CSMD1: variants seen among roughly 807,000 people sequenced by gnomAD.
The protein encoded by CSMD1 is CUB and sushi domain-containing protein 1.
In CSMD1, 213 loss-of-function variants were observed where a neutral mutation model predicts 417.5. The observed-to-expected ratio is 0.51, with a 90% CI of 0.46 to 0.57. The LOEUF (loss-of-function observed/expected upper bound fraction) is 0.57. Among genes scored for constraint, CSMD1 ranks in the 20% least tolerant of loss-of-function variants. The pLI, the probability that CSMD1 is intolerant of heterozygous loss-of-function variation, is 0.00. For missense variants in CSMD1, 6,923 were observed against 4,529.7 expected (o/e 1.53, Z -15.17); for synonymous variants, 2,862 against 1,736.8 (o/e 1.65, Z -16.11).
intron 2 of CSMD1, among the ~76,000 whole-genome samples, chr8:4,471,991 C>G (rs1313416798): frequency 6.6e-6 from 1 of 152,124 alleles, no homozygotes; most frequent in Non-Finnish European, 1.5e-5. Context: ...ATTATCTGCT[C>G]TAACCCTAAG....
At chr8:3,089,570 G>C (rs545438799) in intron 48 of CSMD1, among the ~76,000 whole-genome samples, 1 of 152,180 alleles carries the variant, frequency 6.6e-6, no homozygotes, top group Non-Finnish European at 1.5e-5. Context: ...AATATCATGG[G>C]CTAGAGTTCC....
intron 25 of CSMD1, among the ~76,000 whole-genome samples, chr8:3,291,800 T>C (rs1183262627): frequency 2.6e-5 from 4 of 152,100 alleles, no homozygotes; most frequent in African/African-American, 7.2e-5. Flanking sequence ...TTGACTTTTT[T>C]AAGGGTTTTT....
chr8:4,811,846 G>C (rs1798926052), intron 1 of CSMD1, among the ~76,000 whole-genome samples: 1 of 152,038 alleles, frequency 6.6e-6, no homozygotes, highest in African/African-American at 2.4e-5. Flanking sequence ...TCTTCTATGA[G>C]ACAGTGAAAT....
chr8:3,353,076 T>C (rs945057296), intron 21 of CSMD1, among the ~76,000 whole-genome samples: 6 of 152,194 alleles, frequency 3.9e-5, no homozygotes, highest in Non-Finnish European at 7.3e-5. Flanking sequence ...GCAATAATTA[T>C]ACTACATTTG....
rs900381092 is a variant in CSMD1, at chr8:4,529,844, G to T, written c.302+107498C>A. 3.4e-5 allele frequency among the ~76,000 whole-genome samples: 5 copies of T among 148,986 alleles called. No homozygotes were observed. In the Admixed American group the frequency reaches 3.4e-4, roughly 10 times the overall value. ...AATCAAAATTCGTGCATAGGTTACC[G>T]TCAGGTTGCTGCCCATGCTGCTGCC... On this transcript the variant is annotated intron_variant, in intron 2 of 69. Transcript: ENST00000635120.
At chr8:3,596,931 G>A (rs545834926) in intron 8 of CSMD1, among the ~76,000 whole-genome samples, 1 of 152,172 alleles carries the variant, frequency 6.6e-6, no homozygotes. Context: ...CAGTTTCCAA[G>A]TGCCCCTCTT....
intron 5 of CSMD1, among the ~76,000 whole-genome samples, chr8:3,832,434 T>A (rs1802430190): frequency 1.3e-5 from 2 of 152,344 alleles, no homozygotes; most frequent in Admixed American, 1.3e-4. Flanking sequence ...ATTGCCTTAA[T>A]TATAAAGCGA....
intron 7 of CSMD1, among the ~76,000 whole-genome samples, chr8:3,688,374 G>C (rs1001861605): frequency 2.1e-4 from 32 of 152,260 alleles, no homozygotes; most frequent in African/African-American, 6.7e-4. Flanking sequence ...ATTTATAAAG[G>C]AGGAATTGAG....
At chr8:3,134,234 C>G (rs762707706) in intron 41 of CSMD1, among the ~76,000 whole-genome samples, 8 of 152,090 alleles carry the variant, frequency 5.3e-5, no homozygotes, top group Admixed American at 6.6e-5. Context: ...AAGAGCTCTG[C>G]CAGTGTTTGC....
chr8:4,419,817 T>C (rs1797145321), intron 3 of CSMD1, 136 bp downstream of exon 3: 2 of 578,164 alleles, frequency 3.5e-6, no homozygotes, highest in Admixed American at 5.0e-5. Context: ...TGCCATTGCA[T>C]TACACAGAAG....
At position 3,155,893 on chromosome 8, in the gene CSMD1, G is replaced by A. The variant is rs189827437; in HGVS notation, c.5914+2004C>T. Among the ~76,000 whole-genome samples the A allele has an allele frequency of 3.9e-4, 59 of 152,242 alleles. No homozygotes were observed. In the East Asian group the frequency reaches 5.6e-3, roughly 14 times the overall value. ...TGAAGTTTTTTGTTTTACAGGTTTC[G>A]TGCAGTTTTATTTTCCTCTGTACAC... On this transcript the variant is annotated intron_variant, in intron 39 of 69. Coordinates refer to ENST00000635120, the MANE Select transcript of CSMD1 (RefSeq NM_033225.6).
intron 3 of CSMD1, among the ~76,000 whole-genome samples, chr8:4,372,950 G>A (rs190885059): frequency 7.9e-5 from 12 of 152,342 alleles, no homozygotes; most frequent in African/African-American, 2.4e-4. Context: ...TGCTTCCGAA[G>A]AGTGCAGTGT....
At chr8:4,417,321 A>T (rs753845164) in intron 3 of CSMD1, among the ~76,000 whole-genome samples, 2 of 152,012 alleles carry the variant, frequency 1.3e-5, no homozygotes, top group Non-Finnish European at 2.9e-5. Flanking sequence ...ATAATAGTTT[A>T]TGTAAATAAA....
intron 3 of CSMD1, among the ~76,000 whole-genome samples, chr8:4,240,213 G>A (rs955151896): frequency 6.6e-6 from 1 of 152,190 alleles, no homozygotes; most frequent in Non-Finnish European, 1.5e-5. Context: ...TTGACAACCG[G>A]CTGCAGAGCG....
intron 3 of CSMD1, among the ~76,000 whole-genome samples, chr8:4,075,304 T>C (rs931851519): frequency 6.6e-6 from 1 of 152,104 alleles, no homozygotes; most frequent in Non-Finnish European, 1.5e-5. Context: ...TTTATGTAAA[T>C]AAAAACATAA....
At chr8:3,818,530 C>G (rs576845960) in intron 5 of CSMD1, among the ~76,000 whole-genome samples, 2 of 152,194 alleles carry the variant, frequency 1.3e-5, no homozygotes, top group South Asian at 2.1e-4. Flanking sequence ...CCAGGGTAGG[C>G]TTACCCCAAG....
At chr8:4,175,152 G>A (rs1342112345) in intron 3 of CSMD1, among the ~76,000 whole-genome samples, 1 of 151,940 alleles carries the variant, frequency 6.6e-6, no homozygotes, top group African/African-American at 2.4e-5. Flanking sequence ...CGACCATCAA[G>A]AAAGATCATT....
At chr8:3,436,719 G>A (rs1235718105) in intron 12 of CSMD1, among the ~76,000 whole-genome samples, 2 of 152,050 alleles carry the variant, frequency 1.3e-5, no homozygotes, top group Non-Finnish European at 2.9e-5. Context: ...TGAGTAAAAG[G>A]CAGTCTTTTC....
intron 2 of CSMD1, among the ~76,000 whole-genome samples, chr8:4,467,331 C>G (rs1800243490): frequency 6.6e-6 from 1 of 151,966 alleles, no homozygotes; most frequent in Admixed American, 6.6e-5. Context: ...TTTAATTGAC[C>G]CATTACTGAA....
Sources: gnomAD v4.1 joint callset for allele counts (sites outside exome capture counted in the v4.1 genomes callset) on GRCh38, gnomAD v4.1.1 for gene constraint, MANE v1.5 for transcripts, NCBI Gene and HGNC (gene_info 2026-07-23, HGNC 2026-07-21) for gene names.